SCML2: variants seen among roughly 807,000 people sequenced by gnomAD.
SCML2 encodes sex comb on midleg-like protein 2.
A neutral mutation model predicts 48.4 loss-of-function variants in SCML2; 6 were observed. The ratio of observed to expected loss-of-function variants is 0.12; its 90% confidence interval spans 0.07 to 0.24. The LOEUF is 0.24. SCML2 is among the 10% of genes least tolerant of loss of function. The pLI is 1.00. For missense variants in SCML2, 377 were observed against 528.2 expected, an observed-to-expected ratio of 0.71 and a Z score of 2.81; for synonymous variants, 181 against 189.5, an observed-to-expected ratio of 0.95 and a Z score of 0.37.
Position 18,283,046 on chromosome X carries a change from C to T in SCML2, c.731-17244G>A, listed in dbSNP as rs184152959. On this transcript the variant is annotated intron_variant, in intron 7 of 14. Coordinates refer to ENST00000251900, the MANE Select transcript of SCML2 (RefSeq NM_006089.3). ...CCTGATGAATACAGAGGCAAATATC[C>T]TCAACAAAATACTAGCAAACTGAAT... 4.5e-4 allele frequency among the ~76,000 whole-genome samples: 50 copies of T among 111,524 alleles called. 2 individuals are homozygous for T. The East Asian group carries it at 0.011, about 25-fold the overall frequency.
At chrX:18,253,702 C>T in intron 11 of SCML2, among the ~76,000 whole-genome samples, 1 of 111,524 alleles carries the variant, frequency 9.0e-6, no homozygotes, top group Admixed American at 9.5e-5. Flanking sequence ...ATAGAATGTT[C>T]ATGATAACAC....
chrX:18,285,225 T>G (rs923664330), intron 7 of SCML2, among the ~76,000 whole-genome samples: 1 of 110,128 alleles, frequency 9.1e-6, no homozygotes, highest in Non-Finnish European at 1.9e-5. Flanking sequence ...GGAAAACAGA[T>G]TATTATACCA....
rs951377021 is a variant in SCML2, at chrX:18,336,507, C to T, written c.-24-2412G>A. Among the ~76,000 whole-genome samples the T allele has an allele frequency of 3.8e-5, 4 of 106,175 alleles. No homozygotes were observed. The South Asian group carries it at 1.3e-3, about 34-fold the overall frequency. 92.2% of individuals were successfully genotyped at this position (106,175 alleles called of 115,157 possible). ...ATCCCAGCACTTTTGGAGGCCGAGG[C>T]GGGGGGATCACGAGGTCAGGAGTAC... On this transcript the variant is annotated intron_variant, in intron 1 of 14. Coordinates refer to ENST00000251900, the MANE Select transcript of SCML2 (RefSeq NM_006089.3).
intron 11 of SCML2, among the ~76,000 whole-genome samples, chrX:18,252,417 T>C (rs1197656875): frequency 8.9e-6 from 1 of 112,498 alleles, no homozygotes; most frequent in African/African-American, 3.2e-5. Flanking sequence ...CAATAAATGG[T>C]ATCCAGTGGT....
intron 7 of SCML2, among the ~76,000 whole-genome samples, chrX:18,278,030 C>T (rs749548884): frequency 1.1e-4 from 12 of 111,787 alleles, no homozygotes; most frequent in African/African-American, 3.6e-4. Context: ...TGGTGGCACA[C>T]GCCAGTAGTC....
At chrX:18,282,325 C>A (rs773418320) in intron 7 of SCML2, among the ~76,000 whole-genome samples, 8 of 109,668 alleles carry the variant, frequency 7.3e-5, no homozygotes, top group Non-Finnish European at 1.3e-4. Context: ...ATAAAAGATC[C>A]TCAGAGAATA....
chrX:18,351,674 C>A (rs865809389), intron 1 of SCML2, among the ~76,000 whole-genome samples: 330 of 80,123 alleles, frequency 4.1e-3, no homozygotes, highest in African/African-American at 5.2e-3. Context: ...AATAACCAGG[C>A]AAAAAAAAAA....
chrX:18,318,649 C>T (rs1299461068), intron 6 of SCML2, among the ~76,000 whole-genome samples: 4 of 111,673 alleles, frequency 3.6e-5, no homozygotes, highest in Admixed American at 1.9e-4. Flanking sequence ...ATTTTTTGGC[C>T]CATCATCTTT....
chrX:18,254,827 C>G (rs7880858), intron 11 of SCML2, among the ~76,000 whole-genome samples: 30,041 of 110,197 alleles, frequency 0.27, 3,538 homozygotes, highest in African/African-American at 0.45. Flanking sequence ...GGGAGGCTGA[C>G]ACAAGAGAAT....
At chrX:18,283,832 C>T in intron 7 of SCML2, among the ~76,000 whole-genome samples, 2 of 112,156 alleles carry the variant, frequency 1.8e-5, no homozygotes, top group Middle Eastern at 9.1e-3. Flanking sequence ...GATTGGAAGA[C>T]TCAATATCAT....
At chrX:18,331,051 C>T (rs1340245050) in intron 2 of SCML2, among the ~76,000 whole-genome samples, 1 of 108,995 alleles carries the variant, frequency 9.2e-6, no homozygotes, top group African/African-American at 3.3e-5. Flanking sequence ...CATGAGGTCA[C>T]GAGTTTGAGA....
chrX:18,255,114 A>G (rs1056532647), intron 11 of SCML2, among the ~76,000 whole-genome samples: 5 of 110,350 alleles, frequency 4.5e-5, no homozygotes, highest in East Asian at 2.8e-4. Flanking sequence ...CTGAAGAAGG[A>G]AAAAAAAAGG....
intron 7 of SCML2, among the ~76,000 whole-genome samples, chrX:18,273,054 TCTTA>T: frequency 9.0e-6 from 1 of 111,626 alleles, no homozygotes; most frequent in East Asian, 2.8e-4. Flanking sequence ...CTCTTCCTGA[TCTTA>T]CTTGATTTTT....
chrX:18,308,291 A>G (rs1438701577), intron 6 of SCML2, among the ~76,000 whole-genome samples: 2 of 86,570 alleles, frequency 2.3e-5, no homozygotes, highest in Non-Finnish European at 4.4e-5. Context: ...AACAGGAAGG[A>G]AGGAAGGGAG....
At chrX:18,243,957 A>C (rs1313737686) in intron 13 of SCML2, among the ~76,000 whole-genome samples, 1 of 112,037 alleles carries the variant, frequency 8.9e-6, no homozygotes, top group Non-Finnish European at 1.9e-5. Flanking sequence ...TATCCTCTGG[A>C]CTATGGCCAT....
At position 18,305,045 on chromosome X, in the gene SCML2, A is replaced by G. The variant is rs768375111; in HGVS notation, c.657T>C (p.Tyr219=). ...WSGAFDYWCK[Y]DSRDIFPAGW... is the part of the protein sequence containing the mutation. Reference sequence around the variant, plus strand: ...CAGCTGGGAAAATATCTCGAGAATCATACTTGCACCAGTAATCAAAAGCTC... The same window carrying G: ...CAGCTGGGAAAATATCTCGAGAATCGTACTTGCACCAGTAATCAAAAGCTC... The change falls in exon 7 of 15, where the codon TAT becomes TAC. Residue 219 remains tyrosine (Y), a synonymous_variant. Coordinates refer to ENST00000251900, the MANE Select transcript of SCML2 (RefSeq NM_006089.3). The G allele has an allele frequency of 2.5e-6, 3 of 1,211,423 alleles. No homozygotes were observed. The East Asian group carries it at 8.9e-5, about 36-fold the overall frequency.
chrX:18,320,394 G>T lies in SCML2; in HGVS notation c.424C>A (p.Pro142Thr). The change falls in exon 6 of 15, where the codon CCG (proline) becomes ACG (threonine). Residue 142 changes from proline to threonine, a missense_variant. Physicochemically the swap from Pro to Thr is conservative, Grantham distance 38 (BLOSUM62 -1). Around this residue, in one of 3 missense-constraint regions of SCML2, gnomAD observed 299 missense variants for 425.5 expected, o/e 0.70. Coordinates refer to ENST00000251900, the MANE Select transcript of SCML2 (RefSeq NM_006089.3). ...LGYQMNTSSW[P>T]MFLLKTLNGS... ...TTTAGTGTCTTTAAGAGGAACATCG[G>T]CCAGGAGGATGTATTCATCTGGTAC... 1 of 1,151,162 alleles carries T rather than the reference G, an allele frequency of 8.7e-7. No homozygotes were observed. The highest frequency in any genetic ancestry group is 1.2e-6 in the Non-Finnish European group (1 of 853,542). 94.9% of individuals were successfully genotyped at this position (1,151,162 alleles called of 1,213,427 possible).
At chrX:18,310,424 C>T (rs955164689) in intron 6 of SCML2, among the ~76,000 whole-genome samples, 3 of 107,668 alleles carry the variant, frequency 2.8e-5, no homozygotes, top group African/African-American at 6.8e-5. Flanking sequence ...TGCCACCACA[C>T]GTGGCTAATT....
At chrX:18,249,032 A>G (rs1926551985) in intron 11 of SCML2, among the ~76,000 whole-genome samples, 2 of 111,879 alleles carry the variant, frequency 1.8e-5, no homozygotes, top group South Asian at 7.5e-4. Context: ...AGAGATAACT[A>G]GGAAAAGCCA....
Sources: allele counts gnomAD v4.1 joint callset (sites outside exome capture counted in the v4.1 genomes callset), GRCh38; gene constraint gnomAD v4.1.1; regional missense constraint gnomAD v4.1.1; transcripts MANE v1.5; gene names NCBI Gene and HGNC (gene_info 2026-07-23, HGNC 2026-07-21).